Variants in CYP3A7 observed in about 807,000 individuals in gnomAD.
CYP3A7 encodes cytochrome P450 3A7.
Under a neutral mutation model 55.2 loss-of-function variants are expected in CYP3A7, and 45 were observed. The ratio of observed to expected loss-of-function variants is 0.82; its 90% CI spans 0.64 to 1.05. The LOEUF (loss-of-function observed/expected upper bound fraction) is 1.05, where lower values mean the gene tolerates loss of function less well. CYP3A7 is among the 50% of genes least tolerant of loss of function. The pLI, the probability that CYP3A7 is intolerant of heterozygous loss-of-function variation, is 0.00. For synonymous variants in CYP3A7, 180 were observed against 207.4 expected (o/e 0.87, Z 1.13); for missense variants, 548 against 605.3 (o/e 0.91, Z 0.99).
At chr7:99,708,093 G>C (rs938409795) in intron 11 of CYP3A7, 119 bp from the exon 12 acceptor site, 27 of 1,422,500 alleles carry the variant, frequency 1.9e-5, no homozygotes, top group Non-Finnish European at 2.5e-5. Context: ...ATACTTTTGT[G>C]GGCTAGTCAC....
chr7:99,730,976 T>A (rs1408317938), intron 2 of CYP3A7, 83 bp downstream of exon 2: 1 of 1,553,150 alleles, frequency 6.4e-7, no homozygotes, highest in African/African-American at 1.4e-5. Flanking sequence ...GACCTTCCTC[T>A]TGAGGAGAAG....
intron 9 of CYP3A7, among the ~76,000 whole-genome samples, chr7:99,711,624 C>T (rs1489889459): frequency 6.6e-6 from 1 of 152,098 alleles, no homozygotes; most frequent in East Asian, 1.9e-4. Flanking sequence ...CAAAATTACC[C>T]AGGCATGGTG....
rs4646463 is a variant in CYP3A7 at position 99,714,688 on chromosome 7, G to GAA, written c.671-8_671-7dup. ...GGTAAGGAATGGAAAGACTTCTGTA[G>GAA]AAAAAAAAAACCAACAGAAAACGAA... is the stretch of plus-strand genomic sequence containing the variant. On this transcript the variant is annotated splice_polypyrimidine_tract_variant and splice_region_variant and intron_variant, in intron 7 of 12. Coordinates refer to ENST00000336374, the MANE Select transcript of CYP3A7 (RefSeq NM_000765.5). The GAA allele has an allele frequency of 1.0e-5, 15 of 1,428,860 alleles. No individual in the cohort carries two copies. The highest frequency in any genetic ancestry group is 9.5e-5 in the Admixed American group (5 of 52,894). 88.5% of individuals were successfully genotyped at this position (1,428,860 alleles called of 1,614,324 possible).
intron 10 of CYP3A7, among the ~76,000 whole-genome samples, chr7:99,709,738 C>T (rs1813672257): frequency 6.6e-6 from 1 of 151,416 alleles, no homozygotes; most frequent in Non-Finnish European, 1.5e-5. Context: ...TATATACAAA[C>T]AAAAACAGTT....
intron 2 of CYP3A7, among the ~76,000 whole-genome samples, chr7:99,726,683 A>G (rs2151528599): frequency 6.6e-6 from 1 of 152,166 alleles, no homozygotes; most frequent in African/African-American, 2.4e-5. Flanking sequence ...CTCATGATTT[A>G]CTTTCTTCCC....
At chr7:99,733,928 G>C (rs761569213) in intron 1 of CYP3A7, among the ~76,000 whole-genome samples, 17 of 152,164 alleles carry the variant, frequency 1.1e-4, no homozygotes, top group Non-Finnish European at 1.8e-4. Flanking sequence ...TCTTGTCCTA[G>C]AGATATATAT....
At chr7:99,726,626 G>T (rs1037084585) in intron 2 of CYP3A7, among the ~76,000 whole-genome samples, 23 of 152,146 alleles carry the variant, frequency 1.5e-4, no homozygotes, top group Non-Finnish European at 2.9e-5. Flanking sequence ...GGGCTGTACT[G>T]CCACAAGGCT....
intron 9 of CYP3A7, among the ~76,000 whole-genome samples, chr7:99,713,140 C>T (rs1288959219): frequency 6.6e-6 from 1 of 152,080 alleles, no homozygotes; most frequent in Non-Finnish European, 1.5e-5. Flanking sequence ...TTGCAGAAAC[C>T]TAATAAATTT....
rs574549161 is a variant in CYP3A7, at chr7:99,722,640, G to A, written c.166-292C>T. Among the ~76,000 whole-genome samples the A allele has an allele frequency of 2.0e-5, 3 of 152,254 alleles. No homozygotes were observed. The South Asian group carries it at 6.2e-4, about 32-fold the overall frequency. On this transcript the variant is annotated intron_variant, in intron 2 of 12. Transcript: ENST00000336374. ...TTCTGATGTCTCTTTGCTTTTTCAT[G>A]TGTTGTCTCTAAAATCTCATAAATC...
chr7:99,721,456 T>C, intron 3 of CYP3A7, among the ~76,000 whole-genome samples: 1 of 152,210 alleles, frequency 6.6e-6, no homozygotes, highest in South Asian at 2.1e-4. Flanking sequence ...GATGATGCCA[T>C]GCATTTATGA....
At position 99,709,354 on chromosome 7, in the gene CYP3A7, A is replaced by G. The variant is rs1813656922; in HGVS notation, c.1027-93T>C. On this transcript the variant is annotated intron_variant, in intron 10 of 12. Transcript: ENST00000336374. Reference sequence around the variant, plus strand: ...GTACTGTTGAACTGTTAGAAGTTCCAGAGAACAACTCATACTGGCAAAGGA... The same window carrying G: ...GTACTGTTGAACTGTTAGAAGTTCCGGAGAACAACTCATACTGGCAAAGGA... 12 of 1,529,592 alleles carry G rather than the reference A, an allele frequency of 7.8e-6. No individual in the cohort carries two copies. The Admixed American group carries it at 2.1e-4, about 27-fold the overall frequency. The allele number at this position is 1,529,592 out of a possible 1,614,324, so 94.8% of individuals were successfully genotyped here.
chr7:99,717,429 G>A, intron 5 of CYP3A7, 97 bp downstream of exon 5: 1 of 1,584,328 alleles, frequency 6.3e-7, no homozygotes. Flanking sequence ...AAATTCAGCA[G>A]ACTACTCCTC....
Position 99,731,074 on chromosome 7 carries a change from A to C in CYP3A7, c.150T>G (p.Ala50=), listed in dbSNP as rs1814596051. 1 of 1,613,766 alleles carries C rather than the reference A, an allele frequency of 6.2e-7. No homozygotes were observed. The highest frequency in any genetic ancestry group is 8.5e-7 in the Non-Finnish European group (1 of 1,179,800). The change falls in exon 2 of 13, where the codon GCT becomes GCG. Residue 50 remains alanine (A), a synonymous_variant. Transcript: ENST00000336374. ...GPTPLPFLGN[A]LSFRKGYWTF... is the part of the protein sequence containing the mutation. ...AAACACTCACCTTACGGAAGGACAA[A>C]GCATTTCCCAAAAAAGGCAGAGGTG...
At position 99,707,605 on chromosome 7, in the gene CYP3A7, T is replaced by C. The variant is rs188478505; in HGVS notation, c.1416+207A>G. ...GATAATCATGTCATGCTAGTCTACA[T>C]TGACATTGCATGATGTTTTTAATGC... is the stretch of plus-strand genomic sequence containing the variant. On this transcript the variant is annotated intron_variant, in intron 12 of 12. Coordinates refer to ENST00000336374, the MANE Select transcript of CYP3A7 (RefSeq NM_000765.5). Among the ~76,000 whole-genome samples, 452 of 152,340 alleles carry C rather than the reference T, an allele frequency of 3.0e-3. 4 individuals are homozygous for C. Among genetic ancestry groups the C allele is most frequent in the Non-Finnish European group, 3.5e-3 (239 of 68,028 alleles).
chr7:99,723,902 C>T lies in CYP3A7; in HGVS notation c.166-1554G>A, dbSNP rs573588622. ...CAGTCTTCCCTTGGTGTCTAAATCA[C>T]TGCCAGGACACCTGCCTGGTTATTC... On this transcript the variant is annotated intron_variant, in intron 2 of 12. Transcript: ENST00000336374. 2.0e-5 allele frequency among the ~76,000 whole-genome samples: 3 copies of T among 152,346 alleles called. No individual in the cohort carries two copies. The South Asian group carries it at 6.2e-4, about 32-fold the overall frequency.
chr7:99,717,011 C>T (rs1563022792), intron 6 of CYP3A7, among the ~76,000 whole-genome samples, 166 bp downstream of exon 6: 1 of 152,216 alleles, frequency 6.6e-6, no homozygotes, highest in Non-Finnish European at 1.5e-5. Flanking sequence ...TGCCCCACCT[C>T]CTCATCGGAG....
At chr7:99,732,692 A>C (rs1410008697) in intron 1 of CYP3A7, among the ~76,000 whole-genome samples, 4 of 152,182 alleles carry the variant, frequency 2.6e-5, no homozygotes, top group African/African-American at 9.7e-5. Context: ...CCAGCCATCA[A>C]TTCAACCATG....
Position 99,709,127 on chromosome 7 carries a change from A to T in CYP3A7, c.1161T>A (p.Phe387Leu), listed in dbSNP as rs764352935. ...TCATCACCACCACCCCTTTGGGAATAAACATCCCATTGATTTCAACATCTT... is the reference window on the plus strand; with the variant it reads ...TCATCACCACCACCCCTTTGGGAATTAACATCCCATTGATTTCAACATCTT... Reference protein sequence around the residue: ...CKKDVEINGMFIPKGVVVMIP... With the variant: ...CKKDVEINGMLIPKGVVVMIP... Residue 387 changes from phenylalanine to leucine, a missense_variant, in exon 11 of 13, where the codon TTT becomes TTA. Coordinates refer to ENST00000336374, the MANE Select transcript of CYP3A7 (RefSeq NM_000765.5). 1 of 1,613,992 alleles carries T rather than the reference A, an allele frequency of 6.2e-7. No individual in the cohort carries two copies. The highest frequency in any genetic ancestry group is 2.2e-5 in the East Asian group (1 of 44,864).
intron 2 of CYP3A7, among the ~76,000 whole-genome samples, chr7:99,722,864 G>A (rs1410483969): frequency 6.6e-6 from 1 of 152,168 alleles, no homozygotes; most frequent in Non-Finnish European, 1.5e-5. Context: ...ATTTAGATAA[G>A]TGTGAGGCAT....
Sources: gnomAD v4.1 joint callset for allele counts (sites outside exome capture counted in the v4.1 genomes callset) on GRCh38, gnomAD v4.1.1 for gene constraint, MANE v1.5 for transcripts, NCBI Gene and HGNC (gene_info 2026-07-23, HGNC 2026-07-21) for gene names.